The following UPP1 variants were observed in gnomAD, a reference collection of about 807,000 sequenced individuals.
UPP1 encodes the protein UPase 1.
UPP1 carries 25 observed loss-of-function variants against 29.6 expected under a neutral mutation model. That is an observed-to-expected ratio of 0.85 (90% CI 0.62 to 1.18). The LOEUF is 1.18. Ranked by LOEUF, UPP1 falls within the 50% of genes most tolerant of loss-of-function variation. The pLI, the probability that UPP1 is intolerant of heterozygous loss-of-function variation, is 0.00. For synonymous variants in UPP1, 165 were observed against 159.8 expected (o/e 1.03, Z -0.25); for missense variants, 368 against 410.4 (o/e 0.90, Z 0.89).
intron 7 of UPP1, 85 bp from the exon 8 acceptor site, chr7:48,107,276 G>A (rs997315097): frequency 2.0e-6 from 3 of 1,524,850 alleles, no homozygotes; most frequent in Non-Finnish European, 2.7e-6. Flanking sequence ...GCTTGTCCCT[G>A]TGTCCTTCTG....
chr7:48,108,335 A>G lies in UPP1; in HGVS notation c.911A>G (p.Lys304Arg), dbSNP rs1792887891. The G allele has an allele frequency of 1.9e-6, 3 of 1,613,914 alleles. No homozygotes were observed. Among genetic ancestry groups the G allele is most frequent in the South Asian group, 1.1e-5 (1 of 91,060 alleles). The change falls in exon 9 of 9, where the codon AAG (lysine) becomes AGG (arginine). Residue 304 changes from lysine to arginine, a missense_variant. Lys to Arg is a conservative substitution (Grantham distance 26, BLOSUM62 2). Transcript: ENST00000395564. ...CAGCGGCTGGTGAGCTACTTCATCA[A>G]GAAGAAACTGAGCAAGGCCTGAGCG... ...RPQRLVSYFI[K>R]KKLSKA
chr7:48,108,516 G>C lies in UPP1; in HGVS notation c.*159G>C, dbSNP rs1792897841. Reference sequence around the variant, plus strand: ...AGAATCTTGGATTAACCGCATGGGAGATGTTCTTCCTTTTGAAGTTTCATT... The same window carrying C: ...AGAATCTTGGATTAACCGCATGGGACATGTTCTTCCTTTTGAAGTTTCATT... On this transcript the variant is annotated 3_prime_UTR_variant, in exon 9 of 9. Transcript: ENST00000395564. The C allele has an allele frequency of 1.2e-6, 1 of 803,520 alleles. No individual in the cohort carries two copies. Among genetic ancestry groups the C allele is most frequent in the Non-Finnish European group, 1.8e-6 (1 of 563,040 alleles). 49.8% of individuals were successfully genotyped at this position (803,520 alleles called of 1,614,324 possible). A position where few individuals can be genotyped will look rare whatever the true frequency, so the allele number is the denominator to read the frequency against.
Position 48,103,923 on chromosome 7 carries a change from A to G in UPP1, c.436+512A>G, listed in dbSNP as rs578208427. 7.1e-6 allele frequency: 9 copies of G among 1,272,894 alleles called. No homozygotes were observed. The African/African-American group carries it at 1.2e-4, about 17-fold the overall frequency. The allele number at this position is 1,272,894 out of a possible 1,614,324, so 78.8% of individuals were successfully genotyped here. A position where few individuals can be genotyped will look rare whatever the true frequency, so the allele number is the denominator to read the frequency against. The stretch of plus-strand genomic sequence containing the variant: ...ACAGGGACATTTTTTTTTTGTTTAA[A>G]AAACAAAGATGGTTGGCCGGGCGCG... On this transcript the variant is annotated intron_variant, in intron 6 of 8. Transcript: ENST00000395564.
At chr7:48,102,152 C>T (rs1169153401) in intron 5 of UPP1, among the ~76,000 whole-genome samples, 170 bp downstream of exon 5, 3 of 152,194 alleles carry the variant, frequency 2.0e-5, no homozygotes, top group Admixed American at 1.3e-4. Flanking sequence ...CTCAGGCTAT[C>T]GTCCTTGAGG....
chr7:48,096,547 C>T (rs989399417), intron 3 of UPP1, among the ~76,000 whole-genome samples: 4 of 151,950 alleles, frequency 2.6e-5, no homozygotes, highest in Admixed American at 6.6e-5. Flanking sequence ...GTACCTCAGG[C>T]CCCTGTGTCT....
intron 4 of UPP1, among the ~76,000 whole-genome samples, chr7:48,101,566 G>A (rs1049769270): frequency 6.6e-6 from 1 of 152,128 alleles, no homozygotes; most frequent in African/African-American, 2.4e-5. Flanking sequence ...CCTCCTCAGA[G>A]AGAGCAAGGG....
rs181591192 is a variant in UPP1, at chr7:48,102,389, A to G, written c.321+407A>G. Among the ~76,000 whole-genome samples the G allele has an allele frequency of 5.6e-3, 856 of 152,306 alleles. 2 individuals are homozygous for G. The highest frequency in any genetic ancestry group is 9.6e-3 in the Non-Finnish European group (653 of 68,022). Reference sequence around the variant, plus strand: ...CTTCAAAACACATTTTGATTTAGCAAGGAGCATGGTGAACACAGAAATCTC... The same window carrying G: ...CTTCAAAACACATTTTGATTTAGCAGGGAGCATGGTGAACACAGAAATCTC... On this transcript the variant is annotated intron_variant, in intron 5 of 8. Transcript: ENST00000395564.
At chr7:48,093,459 T>A (rs1791955454) in intron 2 of UPP1, among the ~76,000 whole-genome samples, 2 of 152,190 alleles carry the variant, frequency 1.3e-5, no homozygotes, top group South Asian at 2.1e-4. Flanking sequence ...AGTGCTTCAC[T>A]CTCTTCCTCT....
At chr7:48,107,638 A>G in intron 8 of UPP1, 131 bp downstream of exon 8, 1 of 1,094,610 alleles carries the variant, frequency 9.1e-7, no homozygotes, top group African/African-American at 1.6e-5. Context: ...GCTGCCCCCA[A>G]GTCACTTTCT....
At chr7:48,106,684 T>TA (rs1011692775) in intron 6 of UPP1, 189 bp from the exon 7 acceptor site, 105 of 591,662 alleles carry the variant, frequency 1.8e-4, no homozygotes, top group African/African-American at 3.9e-4. Flanking sequence ...TTTCATAGCT[T>TA]AAAAAAAAGT....
intron 4 of UPP1, among the ~76,000 whole-genome samples, chr7:48,100,718 T>C (rs1035997571): frequency 6.6e-6 from 1 of 152,172 alleles, no homozygotes; most frequent in African/African-American, 2.4e-5. Context: ...AACAATAGTG[T>C]TATGTCTTAT....
chr7:48,094,865 G>A (rs184735139), intron 3 of UPP1, 38 bp downstream of exon 3: 1 of 1,465,114 alleles, frequency 6.8e-7, no homozygotes, highest in African/African-American at 1.4e-5. Flanking sequence ...GTTGGGTGGG[G>A]TTGGGTTGTT....
intron 2 of UPP1, among the ~76,000 whole-genome samples, chr7:48,090,754 C>T (rs571684722): frequency 1.3e-5 from 2 of 152,314 alleles, no homozygotes; most frequent in South Asian, 4.1e-4. Context: ...AAGCTTTCCC[C>T]ATTTCTCAGC....
chr7:48,104,929 T>A (rs939940073), intron 6 of UPP1: 1 of 152,244 alleles, frequency 6.6e-6, no homozygotes, highest in Non-Finnish European at 1.5e-5. Flanking sequence ...TTTCCTCAAT[T>A]GCTCTGTAAA....
At chr7:48,089,907 T>C (rs1225717299) in intron 1 of UPP1, among the ~76,000 whole-genome samples, 1 of 152,164 alleles carries the variant, frequency 6.6e-6, no homozygotes, top group Admixed American at 6.5e-5. Flanking sequence ...GTGACTTAAG[T>C]GACGAAGTGA....
intron 6 of UPP1, chr7:48,106,002 GC>G (rs1027841073): frequency 6.6e-6 from 1 of 152,190 alleles, no homozygotes; most frequent in African/African-American, 2.4e-5. Flanking sequence ...AGGAAGGCAC[GC>G]CCAGAACATA....
rs1018873075 is a variant in UPP1, at chr7:48,101,100, G to A, written c.163-724G>A. The stretch of plus-strand genomic sequence containing the variant: ...TTTTGTATTTTTTAGTAGAGATGGG[G>A]TTTTACCATGTTGGACAGGCTGGTC... On this transcript the variant is annotated intron_variant, in intron 4 of 8. Transcript: ENST00000395564. 7.2e-5 allele frequency among the ~76,000 whole-genome samples: 11 copies of A among 151,994 alleles called. 1 individual carries two copies. Among genetic ancestry groups the A allele is most frequent in the Non-Finnish European group, 5.9e-5 (4 of 68,012 alleles).
Position 48,094,775 on chromosome 7 carries a change from G to T in UPP1, c.-9G>T. The T allele has an allele frequency of 6.2e-7, 1 of 1,614,026 alleles. No homozygotes were observed. Among genetic ancestry groups the T allele is most frequent in the Non-Finnish European group, 8.5e-7 (1 of 1,179,966 alleles). ...TTTTTTTCCTTAGGGTCCTGCCTCA[G>T]TTGGCGGAATGGCGGCCACGGGAGC... On this transcript the variant is annotated 5_prime_UTR_variant, in exon 3 of 9. Coordinates refer to ENST00000395564, the MANE Select transcript of UPP1 (RefSeq NM_003364.4).
chr7:48,097,984 G>A (rs147021659), intron 3 of UPP1, among the ~76,000 whole-genome samples: 41 of 152,304 alleles, frequency 2.7e-4, no homozygotes, highest in Middle Eastern at 3.4e-3. Flanking sequence ...AGCTTGTCAG[G>A]AAGAGGTGGG....
Sources: allele counts gnomAD v4.1 joint callset (sites outside exome capture counted in the v4.1 genomes callset), GRCh38; gene constraint gnomAD v4.1.1; transcripts MANE v1.5; gene names NCBI Gene and HGNC (gene_info 2026-07-23, HGNC 2026-07-21).